Variants in PLCL2 observed in about 807,000 individuals in gnomAD.
PLCL2 encodes the protein phospholipase C like 2.
Under a neutral mutation model 79.6 loss-of-function variants are expected in PLCL2, and 4 were observed. That is an observed-to-expected ratio of 0.05 (90% CI 0.02 to 0.11). PLCL2 has a LOEUF of 0.11. PLCL2 is among the 10% of genes least tolerant of loss of function. The pLI is 1.00. For synonymous variants in PLCL2, 484 were observed against 457.7 expected (o/e 1.06, Z -0.73); for missense variants, 895 against 1,291.0 (o/e 0.69, Z 4.70).
intron 1 of PLCL2, among the ~76,000 whole-genome samples, chr3:16,906,605 T>C (rs1341594053): frequency 6.6e-6 from 1 of 152,244 alleles, no homozygotes; most frequent in Non-Finnish European, 1.5e-5. Context: ...CTTCTGAGTG[T>C]ATTTGCAATG....
intron 5 of PLCL2, among the ~76,000 whole-genome samples, chr3:17,073,238 A>G (rs2065077792): frequency 2.0e-5 from 3 of 152,364 alleles, no homozygotes; most frequent in East Asian, 3.9e-4. Context: ...TAAAGCAAAT[A>G]TCACAATAAA....
intron 4 of PLCL2, among the ~76,000 whole-genome samples, chr3:17,067,039 G>A (rs2065017401): frequency 6.6e-6 from 1 of 151,952 alleles, no homozygotes; most frequent in African/African-American, 2.4e-5. Flanking sequence ...TCCAAAAAAA[G>A]CACTTCCCTC....
rs1280289612 is a variant in PLCL2 at position 16,886,990 on chromosome 3, TA to T, written c.327+1625del. 6.6e-6 allele frequency among the ~76,000 whole-genome samples: 1 copy of T among 152,232 alleles called. No individual in the cohort carries two copies. Among genetic ancestry groups the T allele is most frequent in the Non-Finnish European group, 1.5e-5 (1 of 68,034 alleles). ...AAAAATCAAACTTTATTAGTGTCCA[TA>T]GTGAGATTCATAGTGTAACTTACTG... On this transcript the variant is annotated intron_variant, in intron 1 of 5. Coordinates refer to ENST00000615277, the MANE Select transcript of PLCL2 (RefSeq NM_001144382.2). The surrounding 1 kb of genome is among the most constrained non-coding windows in gnomAD (Gnocchi z 4.2).
At position 16,902,924 on chromosome 3, in the gene PLCL2, G is replaced by A. The variant is rs145651249; in HGVS notation, c.327+17558G>A. Among the ~76,000 whole-genome samples, 619 of 150,194 alleles carry A rather than the reference G, an allele frequency of 4.1e-3. 1 individual carries two copies. The highest frequency in any genetic ancestry group is 0.014 in the African/African-American group (555 of 40,840). ...TTGGAAGGAATCATACAAGTATGTA[G>A]GTGTTAGTCTGCCTCTACCCTCAAC... On this transcript the variant is annotated intron_variant, in intron 1 of 5. Coordinates refer to ENST00000615277, the MANE Select transcript of PLCL2 (RefSeq NM_001144382.2).
At chr3:17,038,030 A>C (rs1236353270) in intron 3 of PLCL2, among the ~76,000 whole-genome samples, 2 of 152,180 alleles carry the variant, frequency 1.3e-5, no homozygotes, top group Non-Finnish European at 2.9e-5. Flanking sequence ...TAAAAGGCAT[A>C]TCTGGTTTCT....
At chr3:16,944,345 C>G (rs1041041508) in intron 1 of PLCL2, among the ~76,000 whole-genome samples, 3 of 152,168 alleles carry the variant, frequency 2.0e-5, no homozygotes, top group African/African-American at 7.2e-5. Context: ...AGATGACTCT[C>G]CATCTTTCCA....
chr3:16,954,526 CTTTGGGTAT>C (rs2063685340), intron 1 of PLCL2, among the ~76,000 whole-genome samples: 1 of 152,078 alleles, frequency 6.6e-6, no homozygotes, highest in African/African-American at 2.4e-5. Flanking sequence ...ATTTATAATC[CTTTGGGTAT>C]ATACCCAGTA....
intron 1 of PLCL2, among the ~76,000 whole-genome samples, chr3:16,893,333 G>GT (rs140489644): frequency 6.6e-6 from 1 of 152,098 alleles, no homozygotes; most frequent in East Asian, 1.9e-4. Context: ...GTAATGGTTT[G>GT]TTTTTTTAGG....
chr3:17,074,109 C>G (rs2124948146), intron 5 of PLCL2, among the ~76,000 whole-genome samples: 1 of 152,330 alleles, frequency 6.6e-6, no homozygotes, highest in Admixed American at 6.5e-5. Flanking sequence ...GAATCACTAT[C>G]TATGGCAGCT....
rs371583388 is a variant in PLCL2 at position 17,026,751 on chromosome 3, C to A, written c.3018+11840C>A. On this transcript the variant is annotated intron_variant, in intron 3 of 5. Coordinates refer to ENST00000615277, the MANE Select transcript of PLCL2 (RefSeq NM_001144382.2). ...GCATGATGGTGCATGCCTTTAGTCC[C>A]AGCTGCTCAGGAGGCTGAGGTGGGA... 7.9e-5 allele frequency among the ~76,000 whole-genome samples: 12 copies of A among 152,136 alleles called. No individual in the cohort carries two copies. The East Asian group carries it at 1.5e-3, about 20-fold the overall frequency.
intron 1 of PLCL2, among the ~76,000 whole-genome samples, chr3:16,995,246 A>G (rs1402589572): frequency 6.6e-6 from 1 of 152,260 alleles, no homozygotes; most frequent in Non-Finnish European, 1.5e-5. Flanking sequence ...AACAAAATAA[A>G]TGCCTACATG....
intron 1 of PLCL2, among the ~76,000 whole-genome samples, chr3:16,964,996 T>A (rs1462957665): frequency 6.6e-6 from 1 of 152,000 alleles, no homozygotes. Flanking sequence ...TGGTAGTTTC[T>A]TTTGCTGTGC....
chr3:17,011,751 T>C lies in PLCL2; in HGVS notation c.2405T>C (p.Val802Ala). 4 of 1,614,122 alleles carry C rather than the reference T, an allele frequency of 2.5e-6. No homozygotes were observed. The South Asian group carries it at 3.3e-5, about 13-fold the overall frequency. Residue 802 changes from valine (V) to alanine (A), a missense_variant, in exon 2 of 6, where the codon GTG (valine) becomes GCG (alanine). Coordinates refer to ENST00000615277, the MANE Select transcript of PLCL2 (RefSeq NM_001144382.2). This position sits in a 1 kb window ranked among gnomAD's most constrained non-coding sequence, Gnocchi z 7.9. ...TGTGCAGAACAAAGGACAAAAACAG[T>C]GCACCAGAATGGAGACGCTCCCATT... Reference protein sequence around the residue: ...ADCAEQRTKTVHQNGDAPIFD... With the variant: ...ADCAEQRTKTAHQNGDAPIFD...
intron 3 of PLCL2, among the ~76,000 whole-genome samples, chr3:17,017,772 G>T (rs1366668012): frequency 6.6e-6 from 1 of 152,172 alleles, no homozygotes; most frequent in Non-Finnish European, 1.5e-5. Context: ...CTCCTAAAAT[G>T]TACAGATGTG....
At chr3:17,087,415 A>G (rs2065231852) in intron 5 of PLCL2, among the ~76,000 whole-genome samples, 1 of 152,254 alleles carries the variant, frequency 6.6e-6, no homozygotes, top group African/African-American at 2.4e-5. Context: ...CAAAAAGGCT[A>G]CACACTGTGT....
intron 1 of PLCL2, among the ~76,000 whole-genome samples, chr3:16,990,444 A>G (rs2064093692): frequency 6.6e-6 from 1 of 152,138 alleles, no homozygotes; most frequent in African/African-American, 2.4e-5. Flanking sequence ...CAGCCAACCA[A>G]CTTTCCTTTT....
chr3:16,963,911 T>C (rs1031797367), intron 1 of PLCL2, among the ~76,000 whole-genome samples: 1 of 152,158 alleles, frequency 6.6e-6, no homozygotes, highest in Non-Finnish European at 1.5e-5. Context: ...GTTGGTTTAC[T>C]TTCTTATACC....
At chr3:17,050,553 A>G (rs994841897) in intron 4 of PLCL2, among the ~76,000 whole-genome samples, 12 of 152,354 alleles carry the variant, frequency 7.9e-5, no homozygotes, top group Admixed American at 3.3e-4. Flanking sequence ...GGTGCTCAAT[A>G]TCATTGATCC....
At chr3:16,941,340 T>C (rs2124950604) in intron 1 of PLCL2, among the ~76,000 whole-genome samples, 2 of 152,300 alleles carry the variant, frequency 1.3e-5, no homozygotes, top group Middle Eastern at 6.8e-3. Flanking sequence ...TGGCTCTTTT[T>C]AAACTAAGTT....
Sources: gnomAD v4.1 joint callset for allele counts (sites outside exome capture counted in the v4.1 genomes callset) on GRCh38, gnomAD v4.1.1 for gene constraint, Gnocchi (gnomAD v3.1) non-coding constraint, MANE v1.5 for transcripts, NCBI Gene and HGNC (gene_info 2026-07-23, HGNC 2026-07-21) for gene names.